Variants in NR2F1-AS1 observed in about 807,000 individuals in gnomAD.
NR2F1-AS1 encodes NR2F1 antisense RNA 1.
At chr5:93,475,817 C>T (rs1371640555) in intron 4 of NR2F1-AS1, among the ~76,000 whole-genome samples, 3 of 152,152 alleles carry the variant, frequency 2.0e-5, no homozygotes, top group South Asian at 2.1e-4. Context: ...TGACCCCCCA[C>T]GTTCACTGTA....
chr5:93,477,678 A>C (rs1433864573), intron 4 of NR2F1-AS1, among the ~76,000 whole-genome samples: 1 of 152,126 alleles, frequency 6.6e-6, no homozygotes, highest in African/African-American at 2.4e-5. Flanking sequence ...CATTCTGAGG[A>C]GCAATGAGAG....
chr5:93,489,522 A>C (rs942802809), intron 4 of NR2F1-AS1, among the ~76,000 whole-genome samples: 3 of 152,122 alleles, frequency 2.0e-5, no homozygotes, highest in African/African-American at 7.2e-5. Flanking sequence ...AATGTAAGTG[A>C]CTTCCTTTAT....
intron 4 of NR2F1-AS1, among the ~76,000 whole-genome samples, chr5:93,421,871 T>C: frequency 6.6e-6 from 1 of 152,344 alleles, no homozygotes; most frequent in South Asian, 2.1e-4. Context: ...ATAATTGGGC[T>C]TCTGTCACTT....
At chr5:93,535,332 T>A (rs1256837541) in intron 4 of NR2F1-AS1, among the ~76,000 whole-genome samples, 5 of 150,434 alleles carry the variant, frequency 3.3e-5, no homozygotes, top group African/African-American at 1.2e-4. Flanking sequence ...GAGGAAAAAA[T>A]TTAAGTATTT....
chr5:93,501,536 T>C (rs1186959343), intron 4 of NR2F1-AS1, among the ~76,000 whole-genome samples: 2 of 151,990 alleles, frequency 1.3e-5, no homozygotes, highest in Non-Finnish European at 2.9e-5. Flanking sequence ...GTATTTTTAG[T>C]AGAGACTGAG....
At chr5:93,459,511 T>C (rs949006893) in intron 4 of NR2F1-AS1, among the ~76,000 whole-genome samples, 1 of 152,212 alleles carries the variant, frequency 6.6e-6, no homozygotes, top group Non-Finnish European at 1.5e-5. Flanking sequence ...TAAAATAGTT[T>C]GTTTATTTAA....
chr5:93,466,345 T>C (rs1304005168), intron 4 of NR2F1-AS1, among the ~76,000 whole-genome samples: 1 of 151,724 alleles, frequency 6.6e-6, no homozygotes, highest in Non-Finnish European at 1.5e-5. Flanking sequence ...TTTTTTTTTT[T>C]CTTGAGACAT....
At chr5:93,581,725 TCTCTCTCTCCCC>T (rs1753052583), upstream of NR2F1-AS1, among the ~76,000 whole-genome samples, 3 of 53,716 alleles carry the variant, frequency 5.6e-5, no homozygotes, top group African/African-American at 3.4e-4. Flanking sequence ...TCTCTCTCTC[TCTCTCTCTCCCC>T]CTCTCCCTCT....
chr5:93,518,043 C>A (rs531719623), intron 4 of NR2F1-AS1, among the ~76,000 whole-genome samples: 1 of 152,118 alleles, frequency 6.6e-6, no homozygotes, highest in Non-Finnish European at 1.5e-5. Flanking sequence ...AATCCTCCCT[C>A]CTCAGCCTCT....
intron 4 of NR2F1-AS1, among the ~76,000 whole-genome samples, chr5:93,480,291 C>T (rs564339833): frequency 6.6e-6 from 1 of 152,022 alleles, no homozygotes; most frequent in Non-Finnish European, 1.5e-5. Flanking sequence ...TTATCACATA[C>T]AAGCCATCCT....
intron 4 of NR2F1-AS1, among the ~76,000 whole-genome samples, chr5:93,463,634 G>A (rs1338545573): frequency 1.3e-5 from 2 of 152,190 alleles, no homozygotes; most frequent in Non-Finnish European, 2.9e-5. Flanking sequence ...GAGGGGGCCT[G>A]TACCCTGTAA....
chr5:93,496,653 G>C (rs541808075), intron 4 of NR2F1-AS1, among the ~76,000 whole-genome samples: 1 of 152,230 alleles, frequency 6.6e-6, no homozygotes, highest in African/African-American at 2.4e-5. Flanking sequence ...ATGTCTTCCT[G>C]GCTTTGCCAT....
At chr5:93,452,562 G>A (rs539094777) in intron 4 of NR2F1-AS1, among the ~76,000 whole-genome samples, 1 of 152,212 alleles carries the variant, frequency 6.6e-6, no homozygotes, top group South Asian at 2.1e-4. Context: ...TCTTACAGAA[G>A]GTCTTCTGTA....
intron 4 of NR2F1-AS1, among the ~76,000 whole-genome samples, chr5:93,474,204 A>G (rs1750432064): frequency 1.3e-5 from 2 of 152,162 alleles, no homozygotes; most frequent in African/African-American, 4.8e-5. Flanking sequence ...ACTGTACAAG[A>G]TTTGTTAAGA....
At chr5:93,570,064 A>G (rs1446165175) in intron 1 of NR2F1-AS1, 2 of 152,216 alleles carry the variant, frequency 1.3e-5, no homozygotes, top group Non-Finnish European at 2.9e-5. Flanking sequence ...CTAAACTGAG[A>G]GATTACAAAA....
chr5:93,554,900 G>A (rs1376498878), exon 3 of NR2F1-AS1: 1 of 152,160 alleles, frequency 6.6e-6, no homozygotes, highest in Non-Finnish European at 1.5e-5. Flanking sequence ...CCATAAGGAT[G>A]CAGCTCTGGG....
rs527928932 is a variant in NR2F1-AS1, at chr5:93,474,863, G to A, written n.638+78898C>T. On this transcript the variant is annotated intron_variant and non_coding_transcript_variant, in intron 4 of 5. Transcript: ENST00000660523. Reference sequence around the variant, plus strand: ...TTCCCGGCCAGGTGCGGTGGCTCACGCCTGTAAATCCCAGCACTTTGGGTG... The same window carrying A: ...TTCCCGGCCAGGTGCGGTGGCTCACACCTGTAAATCCCAGCACTTTGGGTG... Among the ~76,000 whole-genome samples the A allele has an allele frequency of 1.8e-4, 28 of 152,260 alleles. No homozygotes were observed. In the East Asian group the frequency reaches 3.9e-3, roughly 21 times the overall value.
chr5:93,566,339 T>C (rs1365288346), intron 1 of NR2F1-AS1, among the ~76,000 whole-genome samples: 5 of 151,860 alleles, frequency 3.3e-5, no homozygotes, highest in Admixed American at 6.6e-5. Context: ...CATAGCACAA[T>C]AGAGGAAAAA....
At chr5:93,491,024 T>C (rs1400549013) in intron 4 of NR2F1-AS1, among the ~76,000 whole-genome samples, 1 of 148,080 alleles carries the variant, frequency 6.8e-6, no homozygotes, top group Non-Finnish European at 1.5e-5. Flanking sequence ...GTGGTGGTGG[T>C]GGTAGTGATA....
Sources: allele counts gnomAD v4.1 joint callset (sites outside exome capture counted in the v4.1 genomes callset), GRCh38; gene constraint gnomAD v4.1.1; transcripts MANE v1.5; gene names NCBI Gene and HGNC (gene_info 2026-07-23, HGNC 2026-07-21).